The following IMMP2L variants were observed in gnomAD, a reference collection of about 807,000 sequenced individuals.
IMMP2L encodes mitochondrial inner membrane protease subunit 2.
A neutral mutation model predicts 19.3 loss-of-function variants in IMMP2L; 18 were observed. The ratio of observed to expected loss-of-function variants is 0.93; its 90% CI spans 0.64 to 1.38. IMMP2L has a LOEUF of 1.38. Among genes scored for constraint, IMMP2L ranks in the 40% most tolerant of loss-of-function variants. The pLI, the probability that IMMP2L is intolerant of heterozygous loss-of-function variation, is 0.00. For missense variants in IMMP2L, 233 were observed against 218.2 expected, an observed-to-expected ratio of 1.07 and a Z score of -0.43; for synonymous variants, 76 against 73.0, an observed-to-expected ratio of 1.04 and a Z score of -0.21.
At chr7:111,429,017 G>A (rs541833616) in intron 3 of IMMP2L, among the ~76,000 whole-genome samples, 3 of 151,894 alleles carry the variant, frequency 2.0e-5, no homozygotes, top group African/African-American at 7.3e-5. Flanking sequence ...GTGGGTGGAT[G>A]GACAGATACA....
chr7:111,385,455 T>C lies in IMMP2L; in HGVS notation c.239+101783A>G, dbSNP rs144495461. Reference sequence around the variant, plus strand: ...AAATCCTGTACAAGACCCATAGCGCTACCCTAGGCCGAAGTGAGTCCACAA... The same window carrying C: ...AAATCCTGTACAAGACCCATAGCGCCACCCTAGGCCGAAGTGAGTCCACAA... On this transcript the variant is annotated intron_variant, in intron 3 of 5. Transcript: ENST00000405709. Among the ~76,000 whole-genome samples, 599 of 152,210 alleles carry C rather than the reference T, an allele frequency of 3.9e-3. 4 individuals are homozygous for C. Among genetic ancestry groups the C allele is most frequent in the African/African-American group, 0.014 (563 of 41,558 alleles).
At chr7:110,802,559 A>G (rs1233337967) in intron 5 of IMMP2L, among the ~76,000 whole-genome samples, 1 of 152,106 alleles carries the variant, frequency 6.6e-6, no homozygotes, top group Admixed American at 6.6e-5. Context: ...GAAAATAAGC[A>G]TTCAAATATT....
At chr7:111,243,456 T>C (rs1815417931) in intron 3 of IMMP2L, among the ~76,000 whole-genome samples, 1 of 152,032 alleles carries the variant, frequency 6.6e-6, no homozygotes, top group Non-Finnish European at 1.5e-5. Flanking sequence ...CATATATAAT[T>C]TTAAAAGTTA....
At chr7:111,105,513 C>T (rs549217148) in intron 3 of IMMP2L, among the ~76,000 whole-genome samples, 1 of 151,992 alleles carries the variant, frequency 6.6e-6, no homozygotes, top group African/African-American at 2.4e-5. Flanking sequence ...GGTTTGCTCC[C>T]TTATTCTGCA....
At chr7:111,325,583 G>T (rs1019847232) in intron 3 of IMMP2L, among the ~76,000 whole-genome samples, 1 of 151,198 alleles carries the variant, frequency 6.6e-6, no homozygotes, top group Non-Finnish European at 1.5e-5. Flanking sequence ...GGTTTTTTTA[G>T]TGTTTTAATA....
intron 3 of IMMP2L, among the ~76,000 whole-genome samples, chr7:111,007,219 T>C (rs577880968): frequency 9.9e-5 from 15 of 152,142 alleles, no homozygotes; most frequent in African/African-American, 3.6e-4. Context: ...CATTAGAACT[T>C]GTAAGAATTC....
intron 3 of IMMP2L, among the ~76,000 whole-genome samples, chr7:111,080,518 A>G (rs200422602): frequency 2.1e-5 from 3 of 146,048 alleles, no homozygotes; most frequent in Non-Finnish European, 3.0e-5. Context: ...TAATGTGTGT[A>G]TAATATATAT....
intron 5 of IMMP2L, among the ~76,000 whole-genome samples, chr7:110,699,763 CAAA>C (rs55970868): frequency 1.2e-4 from 17 of 137,956 alleles, no homozygotes; most frequent in Non-Finnish European, 9.3e-5. Flanking sequence ...GACTCTACCT[CAAA>C]AAAAAAAAAA....
chr7:111,500,129 C>T (rs1844034939), intron 2 of IMMP2L, among the ~76,000 whole-genome samples: 2 of 152,198 alleles, frequency 1.3e-5, no homozygotes, highest in Non-Finnish European at 2.9e-5. Flanking sequence ...TTCCAACAGG[C>T]TTAAAAAAAC....
intron 5 of IMMP2L, among the ~76,000 whole-genome samples, chr7:110,856,906 C>T (rs200281183): frequency 2.0e-5 from 3 of 152,142 alleles, no homozygotes; most frequent in East Asian, 1.9e-4. Context: ...GGATGAATGA[C>T]TCATCATTAA....
At chr7:111,380,638 T>A (rs1831109739) in intron 3 of IMMP2L, among the ~76,000 whole-genome samples, 1 of 152,028 alleles carries the variant, frequency 6.6e-6, no homozygotes. Context: ...AATACCCAAT[T>A]AGGTTTTCCT....
chr7:110,847,315 T>G (rs1186857949), intron 5 of IMMP2L, among the ~76,000 whole-genome samples: 3 of 152,180 alleles, frequency 2.0e-5, no homozygotes, highest in Non-Finnish European at 4.4e-5. Flanking sequence ...GTGTAATACA[T>G]GCAAAGCACC....
intron 5 of IMMP2L, among the ~76,000 whole-genome samples, chr7:110,826,681 C>A (rs918087394): frequency 6.6e-6 from 1 of 151,736 alleles, no homozygotes; most frequent in African/African-American, 2.4e-5. Context: ...ACACTGGGGC[C>A]TGTCATGGGG....
chr7:111,029,588 C>A (rs1408362203), intron 3 of IMMP2L, among the ~76,000 whole-genome samples: 1 of 152,124 alleles, frequency 6.6e-6, no homozygotes, highest in Admixed American at 6.6e-5. Context: ...ACCTAAATTA[C>A]CCTATCAATG....
intron 3 of IMMP2L, among the ~76,000 whole-genome samples, chr7:111,362,106 T>C (rs1829314646): frequency 6.6e-6 from 1 of 151,966 alleles, no homozygotes; most frequent in Non-Finnish European, 1.5e-5. Flanking sequence ...AAATCTAACT[T>C]CCACAGTAAT....
chr7:111,507,339 G>C (rs1418632871), intron 2 of IMMP2L, among the ~76,000 whole-genome samples: 1 of 152,072 alleles, frequency 6.6e-6, no homozygotes, highest in Non-Finnish European at 1.5e-5. Context: ...CTTATATAAA[G>C]CTATACGAAG....
intron 1 of IMMP2L, among the ~76,000 whole-genome samples, chr7:111,535,764 A>G (rs1401582252): frequency 6.6e-6 from 1 of 152,146 alleles, no homozygotes; most frequent in Non-Finnish European, 1.5e-5. Flanking sequence ...TTGGGAGAAC[A>G]GTGGTGACTG....
At position 111,547,515 on chromosome 7, in the gene IMMP2L, C is replaced by CCG. The variant is rs1176712613; in HGVS notation, c.-3+14335_-3+14336insCG. Among the ~76,000 whole-genome samples the CCG allele has an allele frequency of 1.4e-3, 200 of 147,966 alleles. 3 individuals are homozygous for CCG. Among genetic ancestry groups the CCG allele is most frequent in the African/African-American group, 4.6e-3 (180 of 38,822 alleles). On this transcript the variant is annotated intron_variant, in intron 1 of 5. Transcript: ENST00000405709. ...TAAACAAACTGTCATACCCCCCCCC[C>CCG]CTTTTTATCCTGCTTTTTTGCTTGT...
At position 111,545,543 on chromosome 7, in the gene IMMP2L, C is replaced by G. The variant is rs368141505; in HGVS notation, c.-3+16308G>C. On this transcript the variant is annotated intron_variant, in intron 1 of 5. Transcript: ENST00000405709. The stretch of plus-strand genomic sequence containing the variant: ...GTAGCTGGGATTACAGGCCACCATT[C>G]CCAGCTAACTTTTTGTATTTTTAGT... Among the ~76,000 whole-genome samples the G allele has an allele frequency of 2.2e-3, 335 of 152,142 alleles. 2 individuals are homozygous for G. Among genetic ancestry groups the G allele is most frequent in the African/African-American group, 7.6e-3 (317 of 41,534 alleles).
Sources: allele counts gnomAD v4.1 joint callset (sites outside exome capture counted in the v4.1 genomes callset), GRCh38; gene constraint gnomAD v4.1.1; transcripts MANE v1.5; gene names NCBI Gene and HGNC (gene_info 2026-07-23, HGNC 2026-07-21).